COPG1: variants seen among roughly 807,000 people sequenced by gnomAD.
COPG1 encodes coat protein complex I subunit gamma 1.
Under a neutral mutation model 102.8 loss-of-function variants are expected in COPG1, and 29 were observed. That is an observed-to-expected ratio of 0.28 (90% CI 0.21 to 0.38). The LOEUF (loss-of-function observed/expected upper bound fraction) is 0.38. COPG1 is among the 10% of genes least tolerant of loss of function. The probability of loss-of-function intolerance (pLI) is 1.00; values close to 1 mark genes in which losing one functional copy is unlikely to be tolerated. For synonymous variants in COPG1, 406 were observed against 421.6 expected (o/e 0.96, Z 0.45); for missense variants, 875 against 1,132.7 (o/e 0.77, Z 3.27).
At chr3:129,262,444 G>A (rs977796903) in intron 12 of COPG1, among the ~76,000 whole-genome samples, 4 of 151,792 alleles carry the variant, frequency 2.6e-5, no homozygotes, top group African/African-American at 9.7e-5. Flanking sequence ...TAGTAGAGAC[G>A]GTGTTTCACC....
chr3:129,255,402 CT>C (rs1293082272), intron 7 of COPG1, among the ~76,000 whole-genome samples: 1 of 152,018 alleles, frequency 6.6e-6, no homozygotes, highest in African/African-American at 2.4e-5. Flanking sequence ...TGGTCTTGAA[CT>C]ACAGACCTCA....
chr3:129,253,807 C>G (rs546327517), intron 5 of COPG1, among the ~76,000 whole-genome samples: 1 of 152,168 alleles, frequency 6.6e-6, no homozygotes, highest in Admixed American at 6.5e-5. Flanking sequence ...TGAGACCATC[C>G]TGGCCAACAT....
chr3:129,272,455 C>T (rs746622723), intron 20 of COPG1, 40 bp downstream of exon 20: 126 of 1,562,336 alleles, frequency 8.1e-5, no homozygotes, highest in Non-Finnish European at 1.1e-4. Context: ...CTCCTGGGAG[C>T]TCATGGGGTC....
At position 129,257,826 on chromosome 3, in the gene COPG1, C is replaced by T. The variant is rs1939845516; in HGVS notation, c.837C>T (p.Gly279=). 6.2e-7 allele frequency: 1 copy of T among 1,613,812 alleles called. No homozygotes were observed. The highest frequency in any genetic ancestry group is 2.2e-5 in the East Asian group (1 of 44,900). The part of the protein sequence containing the change: ...EAASAIVNLP[G]CSAKELAPAV... Reference sequence around the variant, plus strand: ...CCTCGGCCATCGTCAATCTGCCAGGCTGCAGTGCCAAAGAGCTGGCCCCGG... The same window carrying T: ...CCTCGGCCATCGTCAATCTGCCAGGTTGCAGTGCCAAAGAGCTGGCCCCGG... Residue 279 remains glycine (G), a synonymous_variant, in exon 10 of 24, where the codon GGC becomes GGT. Transcript: ENST00000314797.
chr3:129,271,954 A>G lies in COPG1; in HGVS notation c.1986+45A>G, dbSNP rs775868343. 6.2e-7 allele frequency: 1 copy of G among 1,602,298 alleles called. No homozygotes were observed. The highest frequency in any genetic ancestry group is 8.5e-7 in the Non-Finnish European group (1 of 1,173,796). On this transcript the variant is annotated intron_variant, in intron 19 of 23. Transcript: ENST00000314797. The surrounding 1 kb of genome is among the most constrained non-coding windows in gnomAD (Gnocchi z 4.7). Reference sequence around the variant, plus strand: ...GCCCTGCTGGGGCATGCGCCCAGGGAGTTGTCCCAGGTCTGGCAGGTCCTG... The same window carrying G: ...GCCCTGCTGGGGCATGCGCCCAGGGGGTTGTCCCAGGTCTGGCAGGTCCTG...
intron 21 of COPG1, 122 bp downstream of exon 21, chr3:129,273,026 T>A: frequency 2.2e-6 from 1 of 448,690 alleles, no homozygotes; most frequent in Non-Finnish European, 4.0e-6. Flanking sequence ...TTTATTTTTT[T>A]ATTTTTATTT....
chr3:129,261,575 A>T (rs1022233300), intron 12 of COPG1, among the ~76,000 whole-genome samples: 3 of 152,190 alleles, frequency 2.0e-5, no homozygotes, highest in Non-Finnish European at 4.4e-5. Flanking sequence ...ATTCATAGGA[A>T]GTTACAAAGA....
At chr3:129,257,229 G>C (rs1041012966) in intron 8 of COPG1, among the ~76,000 whole-genome samples, 1 of 152,176 alleles carries the variant, frequency 6.6e-6, no homozygotes, top group Non-Finnish European at 1.5e-5. Context: ...CTACCTGTTA[G>C]GGCTCTTGCC....
rs1277040141 is a variant in COPG1 at position 129,275,935 on chromosome 3, C to T, written c.2494+643C>T. 6.6e-6 allele frequency among the ~76,000 whole-genome samples: 1 copy of T among 152,036 alleles called. No individual in the cohort carries two copies. Among genetic ancestry groups the T allele is most frequent in the Non-Finnish European group, 1.5e-5 (1 of 68,012 alleles). On this transcript the variant is annotated intron_variant, in intron 23 of 23. Coordinates refer to ENST00000314797, the MANE Select transcript of COPG1 (RefSeq NM_016128.4). This position sits in a 1 kb window ranked among gnomAD's most constrained non-coding sequence, Gnocchi z 5.0. ...GATGAACATTTAGTTTGATTTCAAT[C>T]TCTTGCTATTACAGATGTTACAGTA...
At chr3:129,250,787 G>C (rs1317529170) in intron 2 of COPG1, 53 bp downstream of exon 2, 1 of 1,460,706 alleles carries the variant, frequency 6.8e-7, no homozygotes, top group Non-Finnish European at 9.6e-7. Context: ...CACCACCAAT[G>C]CAACTGAAAT....
intron 23 of COPG1, among the ~76,000 whole-genome samples, chr3:129,276,823 C>CTTTTTTTT (rs34883126): frequency 3.8e-5 from 5 of 129,932 alleles, no homozygotes; most frequent in African/African-American, 1.2e-4. Context: ...CAGTGACTTT[C>CTTTTTTTT]TTTTTTTTTT....
At chr3:129,274,214 G>A in intron 21 of COPG1, 1 of 426,560 alleles carries the variant, frequency 2.3e-6, no homozygotes, top group East Asian at 7.0e-5. Flanking sequence ...AGAGAGCTGG[G>A]TCTAAGTTGT....
intron 13 of COPG1, among the ~76,000 whole-genome samples, chr3:129,264,351 A>C (rs1464101119): frequency 6.6e-6 from 1 of 152,196 alleles, no homozygotes; most frequent in Non-Finnish European, 1.5e-5. Flanking sequence ...ACCGGTGCTA[A>C]TAATACGACA....
intron 18 of COPG1, among the ~76,000 whole-genome samples, chr3:129,270,818 A>G (rs975797296): frequency 1.3e-5 from 2 of 152,226 alleles, no homozygotes; most frequent in African/African-American, 4.8e-5. Context: ...CATGGAGTTC[A>G]ATTAATTGGG....
intron 14 of COPG1, among the ~76,000 whole-genome samples, chr3:129,266,555 T>C (rs931062721): frequency 1.3e-5 from 2 of 152,200 alleles, no homozygotes. Context: ...GTGAGCAACC[T>C]TCCTATTCTT....
At chr3:129,272,452 G>A (rs1225907678) in intron 20 of COPG1, 37 bp downstream of exon 20, 2 of 1,570,572 alleles carry the variant, frequency 1.3e-6, no homozygotes, top group East Asian at 2.3e-5. Context: ...ATCCTCCTGG[G>A]AGCTCATGGG....
chr3:129,260,583 G>T (rs781586035), intron 11 of COPG1, 36 bp from the exon 12 acceptor site: 2 of 1,605,046 alleles, frequency 1.2e-6, no homozygotes. Flanking sequence ...ACAGCATTGG[G>T]TTCCTGCCCT....
chr3:129,268,845 A>T, intron 17 of COPG1, 87 bp from the exon 18 acceptor site: 1 of 1,301,464 alleles, frequency 7.7e-7, no homozygotes, highest in Non-Finnish European at 1.1e-6. Context: ...TAGTATTTAT[A>T]ATCCCTGAGT....
chr3:129,260,920 G>A (rs1939913821), intron 12 of COPG1, 113 bp downstream of exon 12: 1 of 1,107,232 alleles, frequency 9.0e-7, no homozygotes, highest in Admixed American at 2.3e-5. Context: ...TCAGCCTTGA[G>A]GACTCAGAGG....
Sources: gnomAD v4.1 joint callset for allele counts (sites outside exome capture counted in the v4.1 genomes callset) on GRCh38, gnomAD v4.1.1 for gene constraint, Gnocchi (gnomAD v3.1) non-coding constraint, MANE v1.5 for transcripts, NCBI Gene and HGNC (gene_info 2026-07-23, HGNC 2026-07-21) for gene names.